Variants in PARP15 observed in about 807,000 individuals in gnomAD.
PARP15 encodes protein mono-ADP-ribosyltransferase PARP15.
Under a neutral mutation model 62.1 loss-of-function variants are expected in PARP15, and 50 were observed. That is an observed-to-expected ratio of 0.81 (90% confidence interval 0.64 to 1.02). The LOEUF (loss-of-function observed/expected upper bound fraction) is 1.02. Among genes scored for constraint, PARP15 ranks in the 50% least tolerant of loss-of-function variants. The pLI, the probability that PARP15 is intolerant of heterozygous loss-of-function variation, is 0.00. For missense variants in PARP15, 820 were observed against 826.5 expected, an observed-to-expected ratio of 0.99 and a Z score of 0.10; for synonymous variants, 309 against 293.1, an observed-to-expected ratio of 1.05 and a Z score of -0.55.
In PARP15 at chr3:122,610,630, T is replaced by G; in HGVS notation, c.443T>G (p.Val148Gly). 6.4e-7 allele frequency: 1 copy of G among 1,551,504 alleles called. No homozygotes were observed. Among genetic ancestry groups the G allele is most frequent in the Non-Finnish European group, 8.7e-7 (1 of 1,146,968 alleles). Residue 148 changes from valine to glycine, a missense_variant, in exon 3 of 12, where the codon GTA becomes GGA. This residue lies in a region of PARP15 where 731 missense variants were observed against 727.7 expected (regional missense o/e 1.00). Coordinates refer to ENST00000464300, the MANE Select transcript of PARP15 (RefSeq NM_001113523.3). ...AGAAGGCGGGAAACAGAGGAAAAAG[T>G]AGGTAACATATTCATGACAAGCGGC... is the stretch of plus-strand genomic sequence containing the variant. ...DDRRRETEEK[V>G]GNIFMTSGCN...
chr3:122,625,166 C>T (rs1281022959), intron 8 of PARP15, among the ~76,000 whole-genome samples: 2 of 152,078 alleles, frequency 1.3e-5, no homozygotes, highest in Non-Finnish European at 2.9e-5. Flanking sequence ...GTGTGTCTCT[C>T]CAAAATTCAT....
At chr3:122,627,770 AAT>A (rs1936824677) in intron 9 of PARP15, among the ~76,000 whole-genome samples, 1 of 152,228 alleles carries the variant, frequency 6.6e-6, no homozygotes, top group Admixed American at 6.5e-5. Flanking sequence ...TGTCAGAAGA[AAT>A]GTCAGTTCTC....
In PARP15 at chr3:122,636,042, T is replaced by C. The variant is rs752861790; in HGVS notation, c.1979T>C (p.Phe660Ser). The C allele has an allele frequency of 4.2e-5, 67 of 1,614,080 alleles. No individual in the cohort carries two copies. In the Middle Eastern group the frequency reaches 2.6e-3, roughly 64 times the overall value. The change falls in exon 12 of 12, where the codon TTT (phenylalanine) becomes TCT (serine). Residue 660 changes from phenylalanine to serine, a missense_variant. Transcript: ENST00000464300. ...VTNNTRSPKL[F>S]VVFFDNQAYP... ...AACAATACACGATCTCCAAAGCTAT[T>C]TGTGGTATTCTTTGATAATCAGGCT... is the stretch of plus-strand genomic sequence containing the variant.
At chr3:122,608,350 G>A (rs979562592) in intron 2 of PARP15, among the ~76,000 whole-genome samples, 1 of 151,362 alleles carries the variant, frequency 6.6e-6, no homozygotes. Context: ...CAAGTAGCTG[G>A]GATTATAGGC....
At chr3:122,626,777 A>G (rs1187894956) in intron 8 of PARP15, 50 bp from the exon 9 acceptor site, 1 of 1,539,550 alleles carries the variant, frequency 6.5e-7, no homozygotes, top group East Asian at 2.3e-5. Flanking sequence ...ATATTTCATC[A>G]TATTAGCAAC....
intron 8 of PARP15, 114 bp downstream of exon 8, chr3:122,621,725 A>G: frequency 9.8e-7 from 1 of 1,015,620 alleles, no homozygotes; most frequent in Non-Finnish European, 1.4e-6. Context: ...ACAATGATGT[A>G]AATCAGAGAG....
chr3:122,582,484 C>T (rs555688808), intron 1 of PARP15, among the ~76,000 whole-genome samples: 2 of 152,330 alleles, frequency 1.3e-5, no homozygotes, highest in African/African-American at 2.4e-5. Flanking sequence ...GCATGAATGA[C>T]ATTTTCTAAG....
At chr3:122,594,598 A>G in intron 1 of PARP15, 1 of 958,738 alleles carries the variant, frequency 1.0e-6, no homozygotes, top group Non-Finnish European at 1.2e-6. Context: ...GGAGGTTGAA[A>G]TTGACGTTGT....
chr3:122,612,333 G>C (rs1935626130), intron 3 of PARP15, among the ~76,000 whole-genome samples: 2 of 151,896 alleles, frequency 1.3e-5, no homozygotes, highest in Admixed American at 1.3e-4. Context: ...GGGATTACAG[G>C]TGTGAACCAC....
At chr3:122,593,990 C>G (rs1934147156) in intron 1 of PARP15, among the ~76,000 whole-genome samples, 1 of 152,122 alleles carries the variant, frequency 6.6e-6, no homozygotes, top group East Asian at 1.9e-4. Context: ...CTTACCCTAT[C>G]TTAAAACATA....
At chr3:122,624,104 T>C (rs369029330) in intron 8 of PARP15, among the ~76,000 whole-genome samples, 1 of 151,070 alleles carries the variant, frequency 6.6e-6, no homozygotes, top group Non-Finnish European at 1.5e-5. Context: ...TGAGCTGAGA[T>C]TGCACCACTG....
At chr3:122,592,203 A>G (rs1395825227) in intron 1 of PARP15, among the ~76,000 whole-genome samples, 1 of 152,250 alleles carries the variant, frequency 6.6e-6, no homozygotes, top group Non-Finnish European at 1.5e-5. Flanking sequence ...ATGCCCAATG[A>G]TGATAGACTG....
At position 122,614,215 on chromosome 3, in the gene PARP15, G is replaced by A. The variant is rs150437957; in HGVS notation, c.771+947G>A. Reference sequence around the variant, plus strand: ...AATTGTTCTAACTATTAAAACGGGTGTATTTGAAGTGTTTTGCATGATATC... The same window carrying A: ...AATTGTTCTAACTATTAAAACGGGTATATTTGAAGTGTTTTGCATGATATC... On this transcript the variant is annotated intron_variant, in intron 4 of 11. Transcript: ENST00000464300. Among the ~76,000 whole-genome samples, 333 of 152,248 alleles carry A rather than the reference G, an allele frequency of 2.2e-3. 2 individuals are homozygous for A. Among genetic ancestry groups the A allele is most frequent in the Middle Eastern group, 6.8e-3 (2 of 292 alleles).
rs2107618719 is a variant in PARP15 at position 122,637,782 on chromosome 3, C to A, written c.*1682C>A. 1 of 152,144 alleles carries A rather than the reference C, an allele frequency of 6.6e-6. No homozygotes were observed. Among genetic ancestry groups the A allele is most frequent in the South Asian group, 2.1e-4 (1 of 4,818 alleles). The allele number at this position is 152,144 out of a possible 1,614,324, so 9.4% of individuals were successfully genotyped here. A position where few individuals can be genotyped will look rare whatever the true frequency, so the allele number is the denominator to read the frequency against. ...TGTCACAAATCATATAATATTATTT[C>A]TACCATTTTTCTTTTTTTAATCTTT... On this transcript the variant is annotated 3_prime_UTR_variant, in exon 12 of 12. Transcript: ENST00000464300.
chr3:122,578,049 TG>T (rs140526125), intron 1 of PARP15, among the ~76,000 whole-genome samples, 196 bp downstream of exon 1: 18,676 of 129,000 alleles, frequency 0.14, 1,287 homozygotes, highest in East Asian at 0.25. Context: ...GCATTTCTGG[TG>T]GTTTTTTTTT....
intron 3 of PARP15, among the ~76,000 whole-genome samples, chr3:122,612,323 G>GGGATTACA (rs1935625159): frequency 6.6e-6 from 1 of 151,972 alleles, no homozygotes; most frequent in African/African-American, 2.4e-5. Context: ...CCAAAGTGCT[G>GGGATTACA]GGATTACAGG....
At chr3:122,601,913 C>A (rs527269031) in intron 1 of PARP15, among the ~76,000 whole-genome samples, 1 of 152,214 alleles carries the variant, frequency 6.6e-6, no homozygotes, top group Non-Finnish European at 1.5e-5. Flanking sequence ...GTTCCTGCTG[C>A]TCCACATCCT....
chr3:122,593,580 C>T (rs146806180), intron 1 of PARP15, among the ~76,000 whole-genome samples: 1 of 152,216 alleles, frequency 6.6e-6, no homozygotes, highest in East Asian at 1.9e-4. Context: ...AGTAACCATG[C>T]ATTTGTACAT....
chr3:122,621,290 G>C, intron 7 of PARP15, 154 bp from the exon 8 acceptor site: 1 of 698,624 alleles, frequency 1.4e-6, no homozygotes, highest in Non-Finnish European at 2.3e-6. Context: ...AAGAAAATGT[G>C]GTTGTCACAG....
Sources: gnomAD v4.1 joint callset for allele counts (sites outside exome capture counted in the v4.1 genomes callset) on GRCh38, gnomAD v4.1.1 for gene constraint, gnomAD v4.1.1 regional missense constraint, MANE v1.5 for transcripts, NCBI Gene and HGNC (gene_info 2026-07-23, HGNC 2026-07-21) for gene names.